Variants in SDK1 observed in about 807,000 individuals in gnomAD.
The protein encoded by SDK1 is sidekick cell adhesion molecule 1.
SDK1 carries 157 observed loss-of-function variants against 245.5 expected under a neutral mutation model. The observed-to-expected ratio is 0.64, with a 90% confidence interval of 0.56 to 0.73. The LOEUF (loss-of-function observed/expected upper bound fraction) is 0.73. Ranked by LOEUF, SDK1 falls within the 30% of genes least tolerant of loss-of-function variation. SDK1 has a pLI of 0.00. For missense variants in SDK1, 3,583 were observed against 3,002.3 expected, an observed-to-expected ratio of 1.19 and a Z score of -4.52; for synonymous variants, 1,647 against 1,278.5, an observed-to-expected ratio of 1.29 and a Z score of -6.15.
intron 4 of SDK1, among the ~76,000 whole-genome samples, chr7:3,682,866 G>A (rs1018732086): frequency 2.0e-5 from 3 of 152,002 alleles, no homozygotes; most frequent in African/African-American, 4.8e-5. Context: ...AGCCTCCTGA[G>A]TAGCTGGGAC....
chr7:3,451,505 T>C lies in SDK1; in HGVS notation c.298+149621T>C, dbSNP rs117864033. ...CTTGCACTGAGGCCTCTGCAGATGA[T>C]CACACTGCATCAATGTGATCAAAAT... On this transcript the variant is annotated intron_variant, in intron 1 of 44. Coordinates refer to ENST00000404826, the MANE Select transcript of SDK1 (RefSeq NM_152744.4). 1.8e-4 allele frequency among the ~76,000 whole-genome samples: 28 copies of C among 152,198 alleles called. No homozygotes were observed. The East Asian group carries it at 5.2e-3, about 28-fold the overall frequency.
chr7:3,371,441 T>C (rs1412122578), intron 1 of SDK1, among the ~76,000 whole-genome samples: 1 of 151,894 alleles, frequency 6.6e-6, no homozygotes. Flanking sequence ...AAATTTAGGA[T>C]AAATCTGGTA....
chr7:3,349,140 C>T (rs1372154071), intron 1 of SDK1, among the ~76,000 whole-genome samples: 1 of 152,020 alleles, frequency 6.6e-6, no homozygotes, highest in African/African-American at 2.4e-5. Context: ...CTTCTGCTGC[C>T]TCCTTCCTCA....
intron 4 of SDK1, among the ~76,000 whole-genome samples, chr7:3,719,582 G>A (rs750850482): frequency 6.6e-6 from 1 of 152,164 alleles, no homozygotes; most frequent in African/African-American, 2.4e-5. Flanking sequence ...GGAGCACTTG[G>A]ACATTTAGGA....
chr7:3,601,138 A>G (rs1393376077), intron 1 of SDK1, among the ~76,000 whole-genome samples: 3 of 152,056 alleles, frequency 2.0e-5, no homozygotes, highest in African/African-American at 7.2e-5. Flanking sequence ...ATTTTGTTGA[A>G]GATTTTTGGG....
intron 1 of SDK1, among the ~76,000 whole-genome samples, chr7:3,515,267 C>G (rs1399553482): frequency 6.6e-6 from 1 of 152,052 alleles, no homozygotes; most frequent in African/African-American, 2.4e-5. Flanking sequence ...GGAAAGAGTT[C>G]TGTATTTTAG....
chr7:3,987,302 T>G lies in SDK1; in HGVS notation c.2111T>G (p.Ile704Ser). The change falls in exon 14 of 45, where the codon ATC becomes AGC. Residue 704 changes from isoleucine (I) to serine (S), a missense_variant. Coordinates refer to ENST00000404826, the MANE Select transcript of SDK1 (RefSeq NM_152744.4). ...FDGNSPILYY[I>S]VELSENNSPW... Reference sequence around the variant, plus strand: ...GGAAACAGTCCTATTCTTTATTACATCGTGGAGCTCTCTGAAAACAGTAAG... The same window carrying G: ...GGAAACAGTCCTATTCTTTATTACAGCGTGGAGCTCTCTGAAAACAGTAAG... 1 of 1,614,060 alleles carries G rather than the reference T, an allele frequency of 6.2e-7. No individual in the cohort carries two copies. The highest frequency in any genetic ancestry group is 8.5e-7 in the Non-Finnish European group (1 of 1,179,966).
At chr7:3,377,653 C>G (rs1048416011) in intron 1 of SDK1, among the ~76,000 whole-genome samples, 1 of 152,174 alleles carries the variant, frequency 6.6e-6, no homozygotes, top group Non-Finnish European at 1.5e-5. Context: ...ACACCTGAAG[C>G]TCTCCACAGA....
In SDK1 at chr7:3,678,618, G is replaced by GCC. The variant is rs774132623; in HGVS notation, c.713+36515_713+36516dup. 3.3e-4 allele frequency among the ~76,000 whole-genome samples: 50 copies of GCC among 152,324 alleles called. 1 individual carries two copies. Among genetic ancestry groups the GCC allele is most frequent in the Admixed American group, 1.5e-3 (23 of 15,300 alleles). On this transcript the variant is annotated intron_variant, in intron 4 of 44. Transcript: ENST00000404826. Reference sequence around the variant, plus strand: ...GGAAAGTAGAATAGAAGTCATCATGGCCCTGGGGGGAGGGAGAGATGGGAG... The same window carrying GCC: ...GGAAAGTAGAATAGAAGTCATCATGGCCCCCTGGGGGGAGGGAGAGATGGGAG...
chr7:3,918,745 C>A (rs1017372006), intron 5 of SDK1, among the ~76,000 whole-genome samples: 1 of 152,190 alleles, frequency 6.6e-6, no homozygotes, highest in Admixed American at 6.5e-5. Flanking sequence ...TCAGGAGACA[C>A]CTGCATGCCA....
intron 17 of SDK1, among the ~76,000 whole-genome samples, chr7:4,042,494 G>T (rs575094126): frequency 2.2e-5 from 3 of 136,496 alleles, no homozygotes; most frequent in African/African-American, 1.0e-4. Context: ...AGGTGCCTGC[G>T]TGGGGGGAAT....
At chr7:4,227,984 C>T (rs1194670737) in intron 40 of SDK1, among the ~76,000 whole-genome samples, 2 of 152,204 alleles carry the variant, frequency 1.3e-5, no homozygotes, top group African/African-American at 4.8e-5. Flanking sequence ...GAAAAGATTT[C>T]TTTTTTCAAG....
chr7:3,510,435 G>T (rs1289781379), intron 1 of SDK1, among the ~76,000 whole-genome samples: 1 of 152,162 alleles, frequency 6.6e-6, no homozygotes, highest in Non-Finnish European at 1.5e-5. Flanking sequence ...GTCTTCTAAA[G>T]GGTCTCTGAA....
intron 29 of SDK1, 136 bp downstream of exon 29, chr7:4,146,052 C>A (rs531838228): frequency 4.3e-4 from 315 of 738,918 alleles, no homozygotes; most frequent in Admixed American, 1.1e-3. Flanking sequence ...TGAGCATTTA[C>A]AAAGCACCCA....
chr7:3,971,539 T>C lies in SDK1; in HGVS notation c.1788T>C (p.Gly596=). 6.2e-7 allele frequency: 1 copy of C among 1,613,384 alleles called. No homozygotes were observed. Residue 596 remains glycine, a synonymous_variant, in exon 12 of 45, where the codon GGT becomes GGC. Coordinates refer to ENST00000404826, the MANE Select transcript of SDK1 (RefSeq NM_152744.4). ...IKGTTATLHC[G]ATHDPRVSLR... Reference sequence around the variant, plus strand: ...GGACCACGGCCACGCTGCACTGTGGTGCCACACATGACCCCCGGGTTTCAC... The same window carrying C: ...GGACCACGGCCACGCTGCACTGTGGCGCCACACATGACCCCCGGGTTTCAC...
At chr7:3,941,510 C>T (rs1286654481) in intron 5 of SDK1, among the ~76,000 whole-genome samples, 1 of 152,126 alleles carries the variant, frequency 6.6e-6, no homozygotes, top group Non-Finnish European at 1.5e-5. Context: ...CCCAAATGGG[C>T]CAAACGGGTT....
intron 4 of SDK1, among the ~76,000 whole-genome samples, chr7:3,711,307 A>G (rs1785042353): frequency 6.6e-6 from 1 of 152,230 alleles, no homozygotes; most frequent in South Asian, 2.1e-4. Context: ...TTTTGTAACT[A>G]AATATGTGTT....
intron 1 of SDK1, among the ~76,000 whole-genome samples, chr7:3,567,668 CAGG>C (rs1368209947): frequency 6.6e-6 from 1 of 152,152 alleles, no homozygotes; most frequent in African/African-American, 2.4e-5. Context: ...CCAGAATTGT[CAGG>C]AGGAGATGGT....
At chr7:3,420,203 TA>T (rs1285795483) in intron 1 of SDK1, among the ~76,000 whole-genome samples, 43 of 152,360 alleles carry the variant, frequency 2.8e-4, no homozygotes, top group African/African-American at 8.4e-4. Context: ...ATAGCAGAAT[TA>T]ACATTATTGT....
Sources: gnomAD v4.1 joint callset for allele counts (sites outside exome capture counted in the v4.1 genomes callset) on GRCh38, gnomAD v4.1.1 for gene constraint, MANE v1.5 for transcripts, NCBI Gene and HGNC (gene_info 2026-07-23, HGNC 2026-07-21) for gene names.